The following CACNA1D variants were observed in gnomAD, a reference collection of about 807,000 sequenced individuals.
CACNA1D encodes the protein calcium voltage-gated channel subunit alpha1 D.
Under a neutral mutation model 257.1 loss-of-function variants are expected in CACNA1D, and 55 were observed. That is an observed-to-expected ratio of 0.21 (90% CI 0.17 to 0.27). The LOEUF is 0.27. CACNA1D is among the 10% of genes least tolerant of loss of function. CACNA1D has a pLI of 1.00. For missense variants in CACNA1D, 1,876 were observed against 2,784.0 expected, an observed-to-expected ratio of 0.67 and a Z score of 7.34; for synonymous variants, 980 against 1,014.9, an observed-to-expected ratio of 0.97 and a Z score of 0.65.
chr3:53,729,300 T>G (rs1489750536), intron 15 of CACNA1D, among the ~76,000 whole-genome samples: 1 of 152,202 alleles, frequency 6.6e-6, no homozygotes, highest in African/African-American at 2.4e-5. Context: ...AGGCGTGCTA[T>G]TCCCTCACAG....
chr3:53,761,166 G>A (rs1369305088), intron 29 of CACNA1D, among the ~76,000 whole-genome samples: 2 of 152,202 alleles, frequency 1.3e-5, no homozygotes, highest in African/African-American at 2.4e-5. Flanking sequence ...CGAAGGATGG[G>A]AAGGACTCCT....
At chr3:53,715,234 T>C (rs1439261743) in intron 9 of CACNA1D, among the ~76,000 whole-genome samples, 1 of 152,176 alleles carries the variant, frequency 6.6e-6, no homozygotes, top group Non-Finnish European at 1.5e-5. Context: ...TCCTCTTTCT[T>C]TCCGTCTGCC....
At chr3:53,778,198 C>CT (rs376059862) in intron 37 of CACNA1D, among the ~76,000 whole-genome samples, 1,972 of 150,548 alleles carry the variant, frequency 0.013, 34 homozygotes, top group African/African-American at 0.035. Flanking sequence ...CAGAGCTTGA[C>CT]TTTTTTTTTT....
At chr3:53,636,424 C>CT (rs1207262283) in intron 3 of CACNA1D, among the ~76,000 whole-genome samples, 1 of 152,208 alleles carries the variant, frequency 6.6e-6, no homozygotes, top group Non-Finnish European at 1.5e-5. Flanking sequence ...CTGCCTCAGC[C>CT]TCCTGAGTAG....
intron 8 of CACNA1D, among the ~76,000 whole-genome samples, chr3:53,685,209 A>G (rs1428143460): frequency 2.0e-5 from 3 of 152,224 alleles, no homozygotes; most frequent in African/African-American, 7.2e-5. Context: ...CATTTCCAGA[A>G]ATAGGGACAT....
chr3:53,736,171 C>T (rs1039105485), intron 20 of CACNA1D, among the ~76,000 whole-genome samples: 4 of 151,902 alleles, frequency 2.6e-5, no homozygotes, highest in African/African-American at 7.3e-5. Flanking sequence ...GAGACCTAAT[C>T]TGTACAAAAA....
chr3:53,775,791 G>A, intron 34 of CACNA1D, 95 bp from the exon 35 acceptor site: 1 of 1,200,100 alleles, frequency 8.3e-7, no homozygotes, highest in South Asian at 1.2e-5. Context: ...AATGACTTAG[G>A]TTTTGCTCTA....
At chr3:53,744,629 A>G (rs942769820) in intron 22 of CACNA1D, 111 bp from the exon 23 acceptor site, 1 of 781,536 alleles carries the variant, frequency 1.3e-6, no homozygotes, top group East Asian at 2.4e-5. Flanking sequence ...CATGGATCCC[A>G]CGCTAACTGT....
chr3:53,788,928 A>G (rs1471319581), intron 40 of CACNA1D, among the ~76,000 whole-genome samples: 1 of 152,132 alleles, frequency 6.6e-6, no homozygotes, highest in Non-Finnish European at 1.5e-5. Flanking sequence ...CAATTAGACA[A>G]TTTCAGCACT....
Position 53,747,367 on chromosome 3 carries a change from A to G in CACNA1D, c.3233A>G (p.Gln1078Arg). The change falls in exon 26 of 48, where the codon CAA becomes CGA. Residue 1078 changes from glutamine (Q) to arginine (R), a missense_variant. By Grantham distance (43) the Gln-to-Arg change is conservative. Around this residue, in one of 10 missense-constraint regions of CACNA1D, gnomAD observed 271 missense variants for 425.5 expected, o/e 0.64. Coordinates refer to ENST00000350061, the MANE Select transcript of CACNA1D (RefSeq NM_001128840.3). Reference sequence around the variant, plus strand: ...CCTGTGGTCCGTGAACGGATCTGGCAAAACAGTGATTTCAACTTCGACAAC... The same window carrying G: ...CCTGTGGTCCGTGAACGGATCTGGCGAAACAGTGATTTCAACTTCGACAAC... The part of the protein sequence containing the change: ...DSPVVRERIW[Q>R]NSDFNFDNVL... 1 of 1,614,082 alleles carries G rather than the reference A, an allele frequency of 6.2e-7. No homozygotes were observed. Among genetic ancestry groups the G allele is most frequent in the Non-Finnish European group, 8.5e-7 (1 of 1,179,890 alleles).
At chr3:53,755,210 G>A (rs1346849368) in intron 29 of CACNA1D, among the ~76,000 whole-genome samples, 1 of 152,190 alleles carries the variant, frequency 6.6e-6, no homozygotes, top group African/African-American at 2.4e-5. Flanking sequence ...CCTCTCTGTG[G>A]AACATTTCCC....
At chr3:53,635,656 C>T (rs781582008) in intron 3 of CACNA1D, among the ~76,000 whole-genome samples, 1 of 152,084 alleles carries the variant, frequency 6.6e-6, no homozygotes, top group Non-Finnish European at 1.5e-5. Context: ...TCTGTAGTGC[C>T]TCTTGGTTTG....
chr3:53,522,928 C>T (rs1300946053), intron 3 of CACNA1D, among the ~76,000 whole-genome samples: 1 of 152,208 alleles, frequency 6.6e-6, no homozygotes, highest in Non-Finnish European at 1.5e-5. Flanking sequence ...TCCAGCCCCT[C>T]TTCTCAGCCT....
chr3:53,549,766 C>T (rs190598721), intron 3 of CACNA1D, among the ~76,000 whole-genome samples: 2 of 152,088 alleles, frequency 1.3e-5, no homozygotes, highest in African/African-American at 2.4e-5. Context: ...ATTGGCTTTT[C>T]AAGCATGCAC....
chr3:53,720,757 A>G (rs2094874756), intron 11 of CACNA1D, among the ~76,000 whole-genome samples: 1 of 152,258 alleles, frequency 6.6e-6, no homozygotes, highest in Non-Finnish European at 1.5e-5. Flanking sequence ...AAGTTCTGAC[A>G]AGGATGCTGA....
At chr3:53,517,933 G>A (rs1289901956) in intron 3 of CACNA1D, among the ~76,000 whole-genome samples, 1 of 152,224 alleles carries the variant, frequency 6.6e-6, no homozygotes, top group Non-Finnish European at 1.5e-5. Context: ...GCAAGCAAAT[G>A]TTATTTCCTA....
intron 3 of CACNA1D, among the ~76,000 whole-genome samples, chr3:53,643,200 A>C (rs541337460): frequency 1.3e-5 from 2 of 152,344 alleles, no homozygotes; most frequent in East Asian, 3.9e-4. Flanking sequence ...CAGTTTCTTC[A>C]TGTAAATGTG....
intron 3 of CACNA1D, among the ~76,000 whole-genome samples, chr3:53,578,070 G>A (rs566240309): frequency 6.6e-5 from 10 of 152,260 alleles, no homozygotes; most frequent in African/African-American, 2.2e-4. Context: ...AAAGTCTGTG[G>A]GGGATGGAAA....
At chr3:53,553,266 T>C (rs374784865) in intron 3 of CACNA1D, among the ~76,000 whole-genome samples, 91 of 152,372 alleles carry the variant, frequency 6.0e-4, no homozygotes, top group African/African-American at 2.1e-3. Flanking sequence ...AATGAAGCTT[T>C]ACTTGTGTTC....
Sources: allele counts gnomAD v4.1 joint callset (sites outside exome capture counted in the v4.1 genomes callset), GRCh38; gene constraint gnomAD v4.1.1; regional missense constraint gnomAD v4.1.1; transcripts MANE v1.5; gene names NCBI Gene and HGNC (gene_info 2026-07-23, HGNC 2026-07-21).